Variants in PCSK5 observed in about 807,000 individuals in gnomAD.
The protein encoded by PCSK5 is proprotein convertase subtilisin/kexin type 5.
In PCSK5, 129 loss-of-function variants were observed where a neutral mutation model predicts 233.2. The observed-to-expected ratio is 0.55, with a 90% confidence interval of 0.48 to 0.64. The LOEUF is 0.64. PCSK5 is among the 30% of genes least tolerant of loss of function. The pLI is 0.00. For synonymous variants in PCSK5, 825 were observed against 879.2 expected (o/e 0.94, Z 1.09); for missense variants, 2,076 against 2,430.1 (o/e 0.85, Z 3.06).
At chr9:76,125,610 C>T (rs1832816454) in intron 9 of PCSK5, among the ~76,000 whole-genome samples, 1 of 152,168 alleles carries the variant, frequency 6.6e-6, no homozygotes, top group South Asian at 2.1e-4. Context: ...GCCTGGCACA[C>T]AGTAAGCCTT....
chr9:75,954,433 A>G (rs372362010), intron 2 of PCSK5, among the ~76,000 whole-genome samples: 2 of 152,280 alleles, frequency 1.3e-5, no homozygotes, highest in African/African-American at 4.8e-5. Context: ...CGCTCCTAGT[A>G]TTAGAGGAAA....
At chr9:76,136,025 G>A (rs902243282) in intron 10 of PCSK5, among the ~76,000 whole-genome samples, 5 of 152,000 alleles carry the variant, frequency 3.3e-5, no homozygotes, top group East Asian at 1.9e-4. Flanking sequence ...AGGAGGAAAC[G>A]GTATTTTACT....
chr9:76,275,486 A>G (rs776422634), intron 24 of PCSK5, among the ~76,000 whole-genome samples: 1 of 152,106 alleles, frequency 6.6e-6, no homozygotes, highest in Non-Finnish European at 1.5e-5. Flanking sequence ...GTCCAGTGGC[A>G]TGATCTTGGC....
rs1825587430 is a variant in PCSK5, at chr9:75,891,362, A to T, written c.181A>T (p.Asn61Tyr). 6.4e-7 allele frequency: 1 copy of T among 1,554,836 alleles called. No homozygotes were observed. Among genetic ancestry groups the T allele is most frequent in the South Asian group, 1.2e-5 (1 of 82,562 alleles). The change falls in exon 1 of 38, where the codon AAC (asparagine) becomes TAC (tyrosine). Residue 61 changes from asparagine to tyrosine, a missense_variant. By Grantham distance (143) the Asn-to-Tyr change is moderately radical (BLOSUM62 -2). This residue lies in a region of PCSK5 where 190 missense variants were observed against 216.3 expected (regional missense o/e 0.88). Transcript: ENST00000674117. ...NRIASKYGFI[N>Y]IGQIGALKDY... ...TATCGCCAGCAAGTACGGATTCATCAACATAGGACAGGTAACGAACTACAG... is the reference window on the plus strand; with the variant it reads ...TATCGCCAGCAAGTACGGATTCATCTACATAGGACAGGTAACGAACTACAG...
In PCSK5 at chr9:75,934,329, C is replaced by T. The variant is rs115721007; in HGVS notation, c.297+1846C>T. Reference sequence around the variant, plus strand: ...ACAGCCACGGTTCCTACCAGCTTTGCAGAGAGAGAGCCACAAATTGGGGTT... The same window carrying T: ...ACAGCCACGGTTCCTACCAGCTTTGTAGAGAGAGAGCCACAAATTGGGGTT... On this transcript the variant is annotated intron_variant, in intron 2 of 37. Transcript: ENST00000674117. Among the ~76,000 whole-genome samples the T allele has an allele frequency of 5.1e-3, 777 of 152,306 alleles. 9 individuals are homozygous for T. The highest frequency in any genetic ancestry group is 0.017 in the African/African-American group (725 of 41,574).
chr9:76,155,909 G>A (rs1267573865), intron 10 of PCSK5, among the ~76,000 whole-genome samples: 2 of 152,202 alleles, frequency 1.3e-5, no homozygotes, highest in African/African-American at 4.8e-5. Context: ...CAGTGGGGCA[G>A]AAAGAGCAGC....
chr9:76,300,800 A>G (rs951555183), intron 27 of PCSK5, among the ~76,000 whole-genome samples: 1 of 152,180 alleles, frequency 6.6e-6, no homozygotes, highest in African/African-American at 2.4e-5. Context: ...AAGTGAAAAC[A>G]TGAAACTGCC....
chr9:76,193,293 C>G (rs750582534), intron 20 of PCSK5: 1 of 1,613,104 alleles, frequency 6.2e-7, no homozygotes, highest in Non-Finnish European at 8.5e-7. Context: ...AAAGAACAAT[C>G]TGTGCCAACG....
At chr9:75,938,871 G>A (rs1405804380) in intron 2 of PCSK5, among the ~76,000 whole-genome samples, 1 of 152,140 alleles carries the variant, frequency 6.6e-6, no homozygotes, top group African/African-American at 2.4e-5. Flanking sequence ...GGGTACATTT[G>A]TGGGTTTGGA....
At chr9:76,281,722 C>T (rs12236784) in intron 24 of PCSK5, among the ~76,000 whole-genome samples, 58,010 of 152,142 alleles carry the variant, frequency 0.38, 12,940 homozygotes, top group East Asian at 0.71. Flanking sequence ...ACTCTTGGCT[C>T]ACTGCAACCT....
intron 5 of PCSK5, among the ~76,000 whole-genome samples, chr9:76,040,635 A>G (rs1176334431): frequency 6.6e-6 from 1 of 152,184 alleles, no homozygotes; most frequent in Non-Finnish European, 1.5e-5. Context: ...AGGCTCTCAC[A>G]TAGCTTATGA....
Position 75,986,190 on chromosome 9 carries a change from G to A in PCSK5, c.356G>A (p.Ser119Asn), listed in dbSNP as rs953989880. ...CGGACAAAGAGGGATTATGACTTCA[G>A]TCGTGCCCAGTCTACCTATTTCAAT... ...KKRTKRDYDF[S>N]RAQSTYFNDP... Residue 119 changes from serine (S) to asparagine (N), a missense_variant, in exon 3 of 38, where the codon AGT (serine) becomes AAT (asparagine). Around this residue, in one of 6 missense-constraint regions of PCSK5, gnomAD observed 190 missense variants for 216.3 expected, o/e 0.88. Transcript: ENST00000674117. The A allele has an allele frequency of 2.5e-6, 4 of 1,613,804 alleles. No individual in the cohort carries two copies. Among genetic ancestry groups the A allele is most frequent in the Admixed American group, 3.3e-5 (2 of 60,004 alleles).
intron 23 of PCSK5, among the ~76,000 whole-genome samples, chr9:76,240,415 A>C (rs1332515888): frequency 6.6e-6 from 1 of 152,230 alleles, no homozygotes; most frequent in Admixed American, 6.5e-5. Context: ...TTTGTACCCA[A>C]TCAAGCTGAT....
intron 2 of PCSK5, among the ~76,000 whole-genome samples, chr9:75,958,602 T>G (rs1422816813): frequency 6.6e-6 from 1 of 152,174 alleles, no homozygotes; most frequent in East Asian, 1.9e-4. Context: ...AGCTTGAGAC[T>G]CTCTGTGAGA....
At chr9:76,188,757 C>A in intron 18 of PCSK5, 82 bp downstream of exon 18, 1 of 927,216 alleles carries the variant, frequency 1.1e-6, no homozygotes, top group Non-Finnish European at 1.7e-6. Context: ...TCATGCAACC[C>A]ACTTGATACT....
At chr9:76,334,623 T>C (rs576134824) in intron 34 of PCSK5, among the ~76,000 whole-genome samples, 1 of 151,968 alleles carries the variant, frequency 6.6e-6, no homozygotes, top group Non-Finnish European at 1.5e-5. Flanking sequence ...CCCAGCTACT[T>C]GGGAGGCTGA....
At chr9:75,918,276 A>G (rs746222236) in intron 1 of PCSK5, among the ~76,000 whole-genome samples, 9 of 152,148 alleles carry the variant, frequency 5.9e-5, no homozygotes, top group Non-Finnish European at 1.2e-4. Flanking sequence ...ATGTGCTTGC[A>G]CCCTTTGTTG....
chr9:76,137,439 G>A (rs1289397846), intron 10 of PCSK5, among the ~76,000 whole-genome samples: 9 of 150,910 alleles, frequency 6.0e-5, no homozygotes, highest in Admixed American at 4.7e-4. Flanking sequence ...ATCAAACTAA[G>A]ATTATTCTAT....
At chr9:75,919,837 A>G (rs1449391836) in intron 1 of PCSK5, among the ~76,000 whole-genome samples, 2 of 152,184 alleles carry the variant, frequency 1.3e-5, no homozygotes, top group Non-Finnish European at 2.9e-5. Context: ...TAACTCTACC[A>G]GTCCTTAGAA....
Sources: gnomAD v4.1 joint callset for allele counts (sites outside exome capture counted in the v4.1 genomes callset) on GRCh38, gnomAD v4.1.1 for gene constraint, gnomAD v4.1.1 regional missense constraint, MANE v1.5 for transcripts, NCBI Gene and HGNC (gene_info 2026-07-23, HGNC 2026-07-21) for gene names.